Variants in RIIAD1 observed in about 807,000 individuals in gnomAD.
RIIAD1 encodes the protein regulatory subunit of type II PKA R-subunit domain containing 1.
In RIIAD1, 15 loss-of-function variants were observed where a neutral mutation model predicts 13.3. The observed-to-expected ratio is 1.13, with a 90% confidence interval of 0.76 to 1.74. The LOEUF (loss-of-function observed/expected upper bound fraction) is 1.74, where lower values mean the gene tolerates loss of function less well. Ranked by LOEUF, RIIAD1 falls within the 40% of genes most tolerant of loss-of-function variation. The pLI is 0.00. For missense variants in RIIAD1, 121 were observed against 112.2 expected, an observed-to-expected ratio of 1.08 and a Z score of -0.35; for synonymous variants, 50 against 43.3, an observed-to-expected ratio of 1.16 and a Z score of -0.61.
chr1:151,727,096 C>A (rs1358669995), intron 2 of RIIAD1, among the ~76,000 whole-genome samples: 2 of 152,128 alleles, frequency 1.3e-5, no homozygotes, highest in African/African-American at 4.8e-5. Context: ...AGAAACCAGC[C>A]TGGGCCACAT....
chr1:151,720,835 T>C (rs902243211), upstream of RIIAD1, among the ~76,000 whole-genome samples: 1 of 152,208 alleles, frequency 6.6e-6, no homozygotes, highest in Non-Finnish European at 1.5e-5. Context: ...TCTTCTTAAT[T>C]AGATACTAGA....
At chr1:151,711,650 G>A (rs899573710) in intron 1 of RIIAD1, among the ~76,000 whole-genome samples, 24 of 152,212 alleles carry the variant, frequency 1.6e-4, no homozygotes, top group Non-Finnish European at 3.2e-4. Flanking sequence ...CAGGGTGCAT[G>A]GGCTTTCACC....
chr1:151,714,784 G>A (rs1571938325), intron 4 of RIIAD1: 1 of 787,272 alleles, frequency 1.3e-6, no homozygotes, highest in South Asian at 1.6e-5. Context: ...TTCCCTTCTT[G>A]TCATCTTCTG....
Position 151,728,746 on chromosome 1 carries a change from C to A in RIIAD1, c.209-20C>A, listed in dbSNP as rs1466161732. 2.1e-6 allele frequency: 3 copies of A among 1,443,784 alleles called. No homozygotes were observed. The highest frequency in any genetic ancestry group is 1.4e-5 in the African/African-American group (1 of 70,918). The allele number at this position is 1,443,784 out of a possible 1,614,324, so 89.4% of individuals were successfully genotyped here. Reference sequence around the variant, plus strand: ...TCCCTTTGGGTATAGATGATGTCTTCTTTTTGATTTTTATCCCAGACTACT... The same window carrying A: ...TCCCTTTGGGTATAGATGATGTCTTATTTTTGATTTTTATCCCAGACTACT... On this transcript the variant is annotated intron_variant, in intron 3 of 4. Coordinates refer to ENST00000479191, the MANE Select transcript of RIIAD1 (RefSeq NM_001144956.3).
At chr1:151,728,215 C>T (rs1673866584) in intron 3 of RIIAD1, among the ~76,000 whole-genome samples, 1 of 152,218 alleles carries the variant, frequency 6.6e-6, no homozygotes. Context: ...GATGCTGCCT[C>T]TGATTCACAG....
intron 4 of RIIAD1, chr1:151,714,606 C>T: frequency 3.2e-6 from 5 of 1,556,584 alleles, no homozygotes; most frequent in Non-Finnish European, 4.3e-6. Flanking sequence ...CTGGAAGCGT[C>T]TTCTGTTCGT....
At chr1:151,713,590 A>T (rs896663924) in intron 3 of RIIAD1, 2 of 152,168 alleles carry the variant, frequency 1.3e-5, no homozygotes, top group Non-Finnish European at 2.9e-5. Flanking sequence ...ATGGGGACCA[A>T]GCTTCCCAGG....
At chr1:151,724,831 G>A (rs923168346) in intron 2 of RIIAD1, among the ~76,000 whole-genome samples, 2 of 149,870 alleles carry the variant, frequency 1.3e-5, no homozygotes, top group Admixed American at 6.7e-5. Context: ...ACGGAGTCTC[G>A]CTCTGTCGCT....
intron 2 of RIIAD1, among the ~76,000 whole-genome samples, chr1:151,713,236 C>T (rs1274805570): frequency 6.6e-6 from 1 of 152,152 alleles, no homozygotes; most frequent in Non-Finnish European, 1.5e-5. Flanking sequence ...TCTTCCTCAC[C>T]CCCACCCTGG....
chr1:151,715,565 C>T, intron 4 of RIIAD1: 1 of 1,338,204 alleles, frequency 7.5e-7, no homozygotes, highest in South Asian at 1.2e-5. Flanking sequence ...TCTCCCAAAC[C>T]AGCTCTCTTG....
upstream of RIIAD1, among the ~76,000 whole-genome samples, chr1:151,719,314 A>G (rs1394317600): frequency 6.6e-6 from 1 of 152,078 alleles, no homozygotes; most frequent in Non-Finnish European, 1.5e-5. Flanking sequence ...CCTATTCTGG[A>G]AAGTTTCTCT....
At chr1:151,717,599 C>A (rs911344237), upstream of RIIAD1, among the ~76,000 whole-genome samples, 1 of 152,100 alleles carries the variant, frequency 6.6e-6, no homozygotes, top group Non-Finnish European at 1.5e-5. Flanking sequence ...CTTGCTCATG[C>A]GTAGCAGGAG....
At chr1:151,719,221 G>A (rs368637257), upstream of RIIAD1, among the ~76,000 whole-genome samples, 67 of 152,160 alleles carry the variant, frequency 4.4e-4, no homozygotes, top group African/African-American at 1.5e-3. Flanking sequence ...GCTGAGTGAC[G>A]GTGAACACAT....
chr1:151,722,162 G>C lies in RIIAD1; in HGVS notation c.161G>C (p.Arg54Thr). The change falls in exon 2 of 5, where the codon AGA becomes ACA. Residue 54 changes from arginine (R) to threonine (T), a missense_variant and splice_region_variant. Physicochemically the swap from Arg to Thr is moderately conservative, Grantham distance 71. Transcript: ENST00000479191. ...GAGTGGCTCATAAGTGGTTTCTTCA[G>C]GTAGGTGGTTTTCCAGGCTCTGGGA... ...EVEWLISGFF[R>T]EIFLKRPDNI... 6.5e-7 allele frequency: 1 copy of C among 1,546,982 alleles called. No individual in the cohort carries two copies. Among genetic ancestry groups the C allele is most frequent in the African/African-American group, 1.4e-5 (1 of 73,012 alleles).
At chr1:151,714,638 G>A in intron 4 of RIIAD1, 1 of 1,562,292 alleles carries the variant, frequency 6.4e-7, no homozygotes. Flanking sequence ...TGGGCCTTCA[G>A]GGCTGAATCC....
chr1:151,723,402 C>CA (rs1673775016), intron 2 of RIIAD1, among the ~76,000 whole-genome samples: 1 of 148,252 alleles, frequency 6.7e-6, no homozygotes, highest in South Asian at 2.1e-4. Context: ...CGCAAACAAA[C>CA]AAAAAAAAGT....
chr1:151,716,819 C>T, upstream of RIIAD1: 1 of 467,112 alleles, frequency 2.1e-6, no homozygotes, highest in Non-Finnish European at 4.4e-6. Flanking sequence ...CCTCCACACC[C>T]CCCTCCCCAC....
At chr1:151,713,689 C>T (rs1481962618) in intron 3 of RIIAD1, 1 of 152,776 alleles carries the variant, frequency 6.5e-6, no homozygotes, top group Non-Finnish European at 1.5e-5. Flanking sequence ...GGTCCTGCAG[C>T]TCACACACGT....
At chr1:151,713,250 G>T (rs1240593649) in intron 2 of RIIAD1, among the ~76,000 whole-genome samples, 1 of 152,180 alleles carries the variant, frequency 6.6e-6, no homozygotes, top group Admixed American at 6.5e-5. Context: ...ACCCTGGGCT[G>T]GACTTCCTCA....
Sources: allele counts gnomAD v4.1 joint callset (sites outside exome capture counted in the v4.1 genomes callset), GRCh38; gene constraint gnomAD v4.1.1; transcripts MANE v1.5; gene names NCBI Gene and HGNC (gene_info 2026-07-23, HGNC 2026-07-21).